LLGL1: variants seen among roughly 807,000 people sequenced by gnomAD.
The protein encoded by LLGL1 is LLGL scribble cell polarity complex component 1.
In LLGL1, 58 loss-of-function variants were observed where a neutral mutation model predicts 110.6. The ratio of observed to expected loss-of-function variants is 0.52; its 90% CI spans 0.42 to 0.65. LLGL1 has a LOEUF of 0.65. Ranked by LOEUF, LLGL1 falls within the 30% of genes least tolerant of loss-of-function variation. The probability of loss-of-function intolerance (pLI) is 0.00; values close to 1 mark genes in which losing one functional copy is unlikely to be tolerated. For missense variants in LLGL1, 1,229 were observed against 1,462.1 expected (o/e 0.84, Z 2.60); for synonymous variants, 674 against 607.2 (o/e 1.11, Z -1.62).
In LLGL1 at chr17:18,236,662, C is replaced by A. The variant is rs761575582; in HGVS notation, c.1408C>A (p.Leu470Ile). The change falls in exon 12 of 23, where the codon CTC (leucine) becomes ATC (isoleucine). Residue 470 changes from leucine to isoleucine, a missense_variant. By Grantham distance (5) the Leu-to-Ile change is conservative. Transcript: ENST00000316843. ...TGCCTCGGGTGTGGCGCTGCGGCCG[C>A]TCTATAAGCTGAGCACAGCTGGCCT... is the stretch of plus-strand genomic sequence containing the variant. ...WDASGVALRPLYKLSTAGLFQ... is the reference protein window; with the variant it reads ...WDASGVALRPIYKLSTAGLFQ... The A allele has an allele frequency of 1.5e-5, 24 of 1,612,852 alleles. No individual in the cohort carries two copies. The highest frequency in any genetic ancestry group is 3.4e-6 in the Non-Finnish European group (4 of 1,179,988).
At chr17:18,241,305 G>A (rs2047825599) in intron 17 of LLGL1, 146 bp from the exon 18 acceptor site, 1 of 984,730 alleles carries the variant, frequency 1.0e-6, no homozygotes, top group Non-Finnish European at 1.5e-6. Flanking sequence ...AGTTTAGTGG[G>A]GCAGCCAGGT....
Position 18,232,810 on chromosome 17 carries a change from A to T in LLGL1, c.392+8A>T. ...CGGCTTTGATGGTGCCAGGTACTGG[A>T]GAACTTGGCTGGGGCCAGCCACCGG... On this transcript the variant is annotated splice_region_variant and intron_variant, in intron 4 of 22. Transcript: ENST00000316843. 4 of 1,613,734 alleles carry T rather than the reference A, an allele frequency of 2.5e-6. No homozygotes were observed. Among genetic ancestry groups the T allele is most frequent in the Non-Finnish European group, 3.4e-6 (4 of 1,179,982 alleles).
intron 2 of LLGL1, 148 bp from the exon 3 acceptor site, chr17:18,232,347 G>A: frequency 3.1e-6 from 2 of 650,366 alleles, no homozygotes; most frequent in South Asian, 1.9e-5. Flanking sequence ...TTAGGGAGGG[G>A]GCCTCCGTTC....
Position 18,240,784 on chromosome 17 carries a change from G to C in LLGL1, c.2413G>C (p.Glu805Gln). The change falls in exon 17 of 23, where the codon GAG becomes CAG. Residue 805 changes from glutamate (E) to glutamine (Q), a missense_variant. Physicochemically the swap from Glu to Gln is conservative, Grantham distance 29. Coordinates refer to ENST00000316843, the MANE Select transcript of LLGL1 (RefSeq NM_004140.4). The surrounding 1 kb of genome is among the most constrained non-coding windows in gnomAD (Gnocchi z 5.3). Reference sequence around the variant, plus strand: ...GGACGGGCGTGGCCGCCCACTGCCCGAGCCCTACGAGGCCTCACGGGACCT... The same window carrying C: ...GGACGGGCGTGGCCGCCCACTGCCCCAGCCCTACGAGGCCTCACGGGACCT... ...VLDGRGRPLP[E>Q]PYEASRDLAQ... The C allele has an allele frequency of 6.3e-7, 1 of 1,599,732 alleles. No homozygotes were observed. The highest frequency in any genetic ancestry group is 1.1e-5 in the South Asian group (1 of 89,876).
In LLGL1 at chr17:18,234,483, G is replaced by A. The variant is rs1367072607; in HGVS notation, c.850+75G>A. ...CACTGAGCCAAGCCAAACTGGCTGA[G>A]GAGGGACTTCCCCGAGGGGGTGGTC... On this transcript the variant is annotated intron_variant, in intron 7 of 22. Transcript: ENST00000316843. 1.9e-6 allele frequency: 3 copies of A among 1,591,460 alleles called. No homozygotes were observed. The African/African-American group carries it at 4.0e-5, about 21-fold the overall frequency.
chr17:18,242,351 G>A, intron 20 of LLGL1, 73 bp downstream of exon 20: 1 of 1,551,526 alleles, frequency 6.4e-7, no homozygotes, highest in Admixed American at 1.7e-5. Flanking sequence ...GACTCACATA[G>A]CTCAGGGATC....
Position 18,233,919 on chromosome 17 carries a change from A to G in LLGL1, c.534A>G (p.Pro178=). Residue 178 remains proline, a synonymous_variant, in exon 5 of 23, where the codon CCA becomes CCG. Transcript: ENST00000316843. ...TGCTCGAGGGGCAGACGCTTGCCCC[A>G]GGCGAGGTTCTGCGCAGGTAAGAGG... ...LTLLEGQTLA[P]GEVLRSVPDD... The G allele has an allele frequency of 6.2e-7, 1 of 1,612,848 alleles. No homozygotes were observed.
intron 1 of LLGL1, 96 bp downstream of exon 1, chr17:18,225,859 G>A: frequency 4.4e-6 from 2 of 459,740 alleles, no homozygotes; most frequent in East Asian, 1.6e-4. Context: ...GGCCCGGGGG[G>A]CGGGGGCTGG....
At chr17:18,229,137 C>A (rs548453758) in intron 1 of LLGL1, among the ~76,000 whole-genome samples, 1 of 152,288 alleles carries the variant, frequency 6.6e-6, no homozygotes, top group African/African-American at 2.4e-5. Context: ...TGGAGCTCAG[C>A]TGTGCAGGCT....
At chr17:18,230,976 C>T (rs539829446) in intron 2 of LLGL1, among the ~76,000 whole-genome samples, 28 of 152,310 alleles carry the variant, frequency 1.8e-4, no homozygotes, top group Non-Finnish European at 1.0e-4. Flanking sequence ...TGGCAGTGCT[C>T]TGGGCCCCAC....
chr17:18,242,910 ACCTGAGAC>A, intron 22 of LLGL1, 88 bp downstream of exon 22: 1 of 1,262,554 alleles, frequency 7.9e-7, no homozygotes, highest in Non-Finnish European at 1.1e-6. Context: ...CTGGTCTTCT[ACCTGAGAC>A]CCTGGCAGGC....
chr17:18,230,987 A>G (rs978317474), intron 2 of LLGL1, among the ~76,000 whole-genome samples: 1 of 152,136 alleles, frequency 6.6e-6, no homozygotes, highest in Non-Finnish European at 1.5e-5. Flanking sequence ...TGGGCCCCAC[A>G]TGCTCCGCTG....
In LLGL1 at chr17:18,240,477, G is replaced by A. The variant is rs73289908; in HGVS notation, c.2207-101G>A. The A allele has an allele frequency of 2.0e-3, 2,640 of 1,350,492 alleles. 55 individuals are homozygous for A. The African/African-American group carries it at 0.035, about 18-fold the overall frequency. 83.7% of individuals were successfully genotyped at this position (1,350,492 alleles called of 1,614,324 possible). A position where few individuals can be genotyped will look rare whatever the true frequency, so the allele number is the denominator to read the frequency against. On this transcript the variant is annotated intron_variant, in intron 16 of 22. Coordinates refer to ENST00000316843, the MANE Select transcript of LLGL1 (RefSeq NM_004140.4). The surrounding 1 kb of genome is among the most constrained non-coding windows in gnomAD (Gnocchi z 5.3). ...CCAGGGTGTCATAGTTAGGAAGCAG[G>A]GCTACAAGAGAGGCAGGGAGGGACC...
rs2047795958 is a variant in LLGL1, at chr17:18,240,186, G to A, written c.2207-392G>A. Reference sequence around the variant, plus strand: ...ACGCAGGGGTGGAGAGAGGAGTCGGGGTCTTGTGGGGCTTGGGGCCTGAGT... The same window carrying A: ...ACGCAGGGGTGGAGAGAGGAGTCGGAGTCTTGTGGGGCTTGGGGCCTGAGT... On this transcript the variant is annotated intron_variant, in intron 16 of 22. Coordinates refer to ENST00000316843, the MANE Select transcript of LLGL1 (RefSeq NM_004140.4). The surrounding 1 kb of genome is among the most constrained non-coding windows in gnomAD (Gnocchi z 5.3). Among the ~76,000 whole-genome samples, 2 of 152,108 alleles carry A rather than the reference G, an allele frequency of 1.3e-5. No individual in the cohort carries two copies. Among genetic ancestry groups the A allele is most frequent in the African/African-American group, 4.8e-5 (2 of 41,404 alleles).
Position 18,241,919 on chromosome 17 carries a change from C to G in LLGL1, c.2802C>G (p.Arg934=). 1 of 1,614,148 alleles carries G rather than the reference C, an allele frequency of 6.2e-7. No individual in the cohort carries two copies. Among genetic ancestry groups the G allele is most frequent in the Non-Finnish European group, 8.5e-7 (1 of 1,179,978 alleles). ...FYLISPSEFE[R]FSLSARNITE... ...TGATATCCCCATCAGAATTTGAACG[C>G]TTCTCCCTAAGTGCCCGGAACATCA... is the stretch of plus-strand genomic sequence containing the variant. The change falls in exon 19 of 23, where the codon CGC becomes CGG. Residue 934 remains arginine, a synonymous_variant. Coordinates refer to ENST00000316843, the MANE Select transcript of LLGL1 (RefSeq NM_004140.4).
In LLGL1 at chr17:18,229,974, G is replaced by A. The variant is rs376398557; in HGVS notation, c.115G>A (p.Ala39Thr). ...VEHGFPNQPS[A>T]LAFDPELRIM... is the part of the protein sequence containing the mutation. ...GCATGGCTTCCCCAATCAGCCCAGCGCCCTGGCCTTCGACCCGGAACTTCG... is the reference window on the plus strand; with the variant it reads ...GCATGGCTTCCCCAATCAGCCCAGCACCCTGGCCTTCGACCCGGAACTTCG... The change falls in exon 2 of 23, where the codon GCC becomes ACC. Residue 39 changes from alanine (A) to threonine (T), a missense_variant. Ala to Thr is a moderately conservative substitution (Grantham distance 58). Transcript: ENST00000316843. 45 of 1,611,844 alleles carry A rather than the reference G, an allele frequency of 2.8e-5. No individual in the cohort carries two copies. Among genetic ancestry groups the A allele is most frequent in the East Asian group, 4.5e-5 (2 of 44,882 alleles).
chr17:18,235,387 G>A, intron 10 of LLGL1, 75 bp downstream of exon 10: 2 of 1,606,046 alleles, frequency 1.2e-6, no homozygotes, highest in Non-Finnish European at 1.7e-6. Context: ...TAAGCCCGGA[G>A]GTCAGAATGT....
Position 18,235,075 on chromosome 17 carries a change from C to T in LLGL1, c.1061-14C>T, listed in dbSNP as rs769105177. 3.1e-6 allele frequency: 5 copies of T among 1,613,792 alleles called. No individual in the cohort carries two copies. In the African/African-American group the frequency reaches 5.3e-5, roughly 17 times the overall value. ...CTATGGCTGTGCTCACCCCATACTC[C>T]CTCCGTCCCACAGAATTTGATGACC... On this transcript the variant is annotated splice_polypyrimidine_tract_variant and intron_variant, in intron 9 of 22. Coordinates refer to ENST00000316843, the MANE Select transcript of LLGL1 (RefSeq NM_004140.4).
intron 1 of LLGL1, among the ~76,000 whole-genome samples, chr17:18,229,713 C>T (rs938434734): frequency 5.9e-5 from 9 of 152,102 alleles, no homozygotes; most frequent in African/African-American, 2.2e-4. Flanking sequence ...ACTATGCACG[C>T]GGTACAGTCA....
Sources: gnomAD v4.1 joint callset for allele counts (sites outside exome capture counted in the v4.1 genomes callset) on GRCh38, gnomAD v4.1.1 for gene constraint, Gnocchi (gnomAD v3.1) non-coding constraint, MANE v1.5 for transcripts, NCBI Gene and HGNC (gene_info 2026-07-23, HGNC 2026-07-21) for gene names.